The following PCDH12 variants were observed in gnomAD, a reference collection of about 807,000 sequenced individuals.
PCDH12 encodes protocadherin 12.
PCDH12 carries 45 observed loss-of-function variants against 70.9 expected under a neutral mutation model. The ratio of observed to expected loss-of-function variants is 0.63; its 90% CI spans 0.50 to 0.81. The LOEUF (loss-of-function observed/expected upper bound fraction) is 0.81. PCDH12 is among the 40% of genes least tolerant of loss of function. The pLI, the probability that PCDH12 is intolerant of heterozygous loss-of-function variation, is 0.00. For synonymous variants in PCDH12, 567 were observed against 626.0 expected, an observed-to-expected ratio of 0.91 and a Z score of 1.41; for missense variants, 1,370 against 1,491.7, an observed-to-expected ratio of 0.92 and a Z score of 1.34.
Position 141,956,808 on chromosome 5 carries a change from G to A in PCDH12, c.1044C>T (p.Asn348=), listed in dbSNP as rs140376506. Residue 348 remains asparagine (N), a synonymous_variant, in exon 1 of 4, where the codon AAC becomes AAT. Transcript: ENST00000231484. ...VLIKVLDVND[N]IPSIHVTWAS... is the part of the protein sequence containing the mutation. ...CCCATGTGACGTGGATGCTTGGGAT[G>A]TTGTCATTGACATCCAGAACCTTGA... is the stretch of plus-strand genomic sequence containing the variant. 2.5e-6 allele frequency: 4 copies of A among 1,614,128 alleles called. No individual in the cohort carries two copies. The highest frequency in any genetic ancestry group is 2.7e-5 in the African/African-American group (2 of 74,936).
At chr5:141,951,453 A>C (rs1753079567) in intron 2 of PCDH12, 40 bp downstream of exon 2, 1 of 1,476,782 alleles carries the variant, frequency 6.8e-7, no homozygotes, top group Non-Finnish European at 9.5e-7. Flanking sequence ...GGCGGCCAGT[A>C]GGGGCCTTGA....
rs1440512038 is a variant in PCDH12, at chr5:141,955,720, G to T, written c.2132C>A (p.Ala711Asp). 6.2e-7 allele frequency: 1 copy of T among 1,614,154 alleles called. No individual in the cohort carries two copies. The highest frequency in any genetic ancestry group is 1.3e-5 in the African/African-American group (1 of 75,042). ...CACCGTCAGCATCGACATGCTCAAG[G>T]CCCCAGGCTTGCGGGCTGAGTCCCT... Reference protein sequence around the residue: ...HLRDSARKPGALSMSMLTVIC... With the variant: ...HLRDSARKPGDLSMSMLTVIC... Residue 711 changes from alanine (A) to aspartate (D), a missense_variant, in exon 1 of 4, where the codon GCC becomes GAC. Transcript: ENST00000231484. This position sits in a 1 kb window ranked among gnomAD's most constrained non-coding sequence, Gnocchi z 5.5.
Position 141,956,723 on chromosome 5 carries a change from T to C in PCDH12, c.1129A>G (p.Met377Val), listed in dbSNP as rs143326793. 7 of 1,614,114 alleles carry C rather than the reference T, an allele frequency of 4.3e-6. No individual in the cohort carries two copies. Among genetic ancestry groups the C allele is most frequent in the Non-Finnish European group, 5.9e-6 (7 of 1,180,048 alleles). Residue 377 changes from methionine to valine, a missense_variant, in exon 1 of 4, where the codon ATG becomes GTG. Transcript: ENST00000231484. ...TGTCCTGAATCCAAGTCATCTGCCA[T>C]GACAAGAGCAATAAAACTGTCCTTG... Reference protein sequence around the residue: ...LPKDSFIALVMADDLDSGHNG... With the variant: ...LPKDSFIALVVADDLDSGHNG...
rs1752880011 is a variant in PCDH12 at position 141,945,337 on chromosome 5, C to A, written c.*44G>T. The A allele has an allele frequency of 1.3e-6, 2 of 1,554,162 alleles. No individual in the cohort carries two copies. Among genetic ancestry groups the A allele is most frequent in the Non-Finnish European group, 1.7e-6 (2 of 1,152,744 alleles). The stretch of plus-strand genomic sequence containing the variant: ...TAGAAACCAGCTCTTGTCCACAGAT[C>A]CTCAGGCCCCTGGTTCTTGGATCCA... On this transcript the variant is annotated 3_prime_UTR_variant, in exon 4 of 4. Coordinates refer to ENST00000231484, the MANE Select transcript of PCDH12 (RefSeq NM_016580.4).
At position 141,955,375 on chromosome 5, in the gene PCDH12, A is replaced by G. The variant is rs752194787; in HGVS notation, c.2477T>C (p.Leu826Pro). Residue 826 changes from leucine (L) to proline (P), a missense_variant, in exon 1 of 4, where the codon CTG becomes CCG. Transcript: ENST00000231484. This position sits in a 1 kb window ranked among gnomAD's most constrained non-coding sequence, Gnocchi z 5.5. ...TGCTCCCTGGTTGCCTTGATTACGC[A>G]GCGTCCTGTACAGGGTCGGGGTGAG... ...FHLTPTLYRT[L>P]RNQGNQGAPA... The G allele has an allele frequency of 1.2e-6, 2 of 1,613,966 alleles. No homozygotes were observed. Among genetic ancestry groups the G allele is most frequent in the East Asian group, 2.2e-5 (1 of 44,850 alleles).
rs139068319 is a variant in PCDH12, at chr5:141,945,085, C to T, written c.*296G>A. 8.0e-5 allele frequency: 32 copies of T among 399,288 alleles called. No individual in the cohort carries two copies. Among genetic ancestry groups the T allele is most frequent in the Non-Finnish European group, 1.4e-4 (31 of 222,762 alleles). 24.7% of individuals were successfully genotyped at this position (399,288 alleles called of 1,614,324 possible). A position where few individuals can be genotyped will look rare whatever the true frequency, so the allele number is the denominator to read the frequency against. On this transcript the variant is annotated 3_prime_UTR_variant, in exon 4 of 4. Transcript: ENST00000231484. The stretch of plus-strand genomic sequence containing the variant: ...CTTTCCTGCCTGTGATACTCCGTGG[C>T]ATCTGTTCTGCCAGAGGACTGACCC...
chr5:141,949,371 C>T (rs992505951), intron 3 of PCDH12, 61 bp downstream of exon 3: 6 of 1,545,932 alleles, frequency 3.9e-6, no homozygotes, highest in Non-Finnish European at 5.2e-6. Context: ...TGGAGCAGAA[C>T]TCTGAAGCTT....
intron 1 of PCDH12, among the ~76,000 whole-genome samples, chr5:141,951,985 T>C (rs1392339347): frequency 6.6e-6 from 1 of 152,266 alleles, no homozygotes. Flanking sequence ...TATTTGGACA[T>C]TCGGCCAATT....
Position 141,955,854 on chromosome 5 carries a change from G to A in PCDH12, c.1998C>T (p.Leu666=), listed in dbSNP as rs1408239190. The A allele has an allele frequency of 6.2e-7, 1 of 1,614,024 alleles. No individual in the cohort carries two copies. The highest frequency in any genetic ancestry group is 1.3e-5 in the African/African-American group (1 of 74,900). ...LFVNVTNASS[L]IGSEWELEIV... ...TCTCCAGCTCCCACTCACTCCCAAT[G>A]AGGCTGCTGGCATTGGTGACATTGA... The change falls in exon 1 of 4, where the codon CTC becomes CTT. Residue 666 remains leucine (L), a synonymous_variant. Transcript: ENST00000231484. The surrounding 1 kb of genome is among the most constrained non-coding windows in gnomAD (Gnocchi z 5.5).
rs72796042 is a variant in PCDH12 at position 141,957,971 on chromosome 5, C to T, written c.-120G>A. ...GTGCTCCTTCCCCCAGAGCTGCCGG[C>T]ACAACCTTGTCCCATAGTTAGATGA... On this transcript the variant is annotated 5_prime_UTR_variant, in exon 1 of 4. Coordinates refer to ENST00000231484, the MANE Select transcript of PCDH12 (RefSeq NM_016580.4). This position sits in a 1 kb window ranked among gnomAD's most constrained non-coding sequence, Gnocchi z 4.3. 6,956 of 1,159,046 alleles carry T rather than the reference C, an allele frequency of 6.0e-3. 24 individuals carry two copies. Among genetic ancestry groups the T allele is most frequent in the Non-Finnish European group, 7.2e-3 (5,991 of 829,874 alleles). 71.8% of individuals were successfully genotyped at this position (1,159,046 alleles called of 1,614,324 possible). A position where few individuals can be genotyped will look rare whatever the true frequency, so the allele number is the denominator to read the frequency against.
rs180692538 is a variant in PCDH12 at position 141,958,061 on chromosome 5, C to T, written c.-210G>A. 3.7e-5 allele frequency: 22 copies of T among 598,336 alleles called. No individual in the cohort carries two copies. Among genetic ancestry groups the T allele is most frequent in the Admixed American group, 2.6e-4 (8 of 30,292 alleles). The allele number at this position is 598,336 out of a possible 1,614,324, so 37.1% of individuals were successfully genotyped here. On this transcript the variant is annotated 5_prime_UTR_variant, in exon 1 of 4. Transcript: ENST00000231484. ...TTGGAAGCGATCTGAGATGTCCAAA[C>T]GCCGATCAAGAATTGCCAGGGGAGA...
chr5:141,957,038 C>T lies in PCDH12; in HGVS notation c.814G>A (p.Asp272Asn), dbSNP rs536306206. ...LLIKLTATDP[D>N]QGPNGEVEFF... ...TCCACCTCCCCATTGGGGCCTTGGTCAGGGTCTGTGGCGGTCAGTTTTATG... is the reference window on the plus strand; with the variant it reads ...TCCACCTCCCCATTGGGGCCTTGGTTAGGGTCTGTGGCGGTCAGTTTTATG... Residue 272 changes from aspartate to asparagine, a missense_variant, in exon 1 of 4, where the codon GAC (aspartate) becomes AAC (asparagine). By Grantham distance (23) the Asp-to-Asn change is conservative (BLOSUM62 1). Transcript: ENST00000231484. The surrounding 1 kb of genome is among the most constrained non-coding windows in gnomAD (Gnocchi z 4.3). 2 of 1,614,168 alleles carry T rather than the reference C, an allele frequency of 1.2e-6. No individual in the cohort carries two copies. Among genetic ancestry groups the T allele is most frequent in the African/African-American group, 2.7e-5 (2 of 75,028 alleles).
chr5:141,955,447 G>GCCTCCTTGT lies in PCDH12; in HGVS notation c.2396_2404dup (p.Asp799_Glu801dup). ...GGGGTCCCAGCCTGCTTCCATCATC[G>GCCTCCTTGT]CCTCCTTGTCCACATCTTTGTGGGA... On this transcript the variant is annotated inframe_insertion, in exon 1 of 4. Coordinates refer to ENST00000231484, the MANE Select transcript of PCDH12 (RefSeq NM_016580.4). This position sits in a 1 kb window ranked among gnomAD's most constrained non-coding sequence, Gnocchi z 5.5. The GCCTCCTTGT allele has an allele frequency of 6.2e-7, 1 of 1,613,960 alleles. No individual in the cohort carries two copies. Among genetic ancestry groups the GCCTCCTTGT allele is most frequent in the Non-Finnish European group, 8.5e-7 (1 of 1,179,952 alleles).
At chr5:141,948,350 CA>C (rs916693613) in intron 3 of PCDH12, among the ~76,000 whole-genome samples, 14 of 152,248 alleles carry the variant, frequency 9.2e-5, no homozygotes, top group South Asian at 2.1e-4. Context: ...AAGTCCCTGC[CA>C]TACCTTCAGT....
At chr5:141,954,936 A>C in intron 1 of PCDH12, 36 bp downstream of exon 1, 1 of 1,583,160 alleles carries the variant, frequency 6.3e-7, no homozygotes, top group Non-Finnish European at 8.6e-7. Context: ...GTGGTCCAGG[A>C]GTGACCAGAG....
At chr5:141,949,071 A>G (rs1753015920) in intron 3 of PCDH12, among the ~76,000 whole-genome samples, 1 of 150,728 alleles carries the variant, frequency 6.6e-6, no homozygotes, top group Non-Finnish European at 1.5e-5. Flanking sequence ...AAAATCAAAA[A>G]TTAGCGGGAT....
At chr5:141,952,073 A>G (rs764526956) in intron 1 of PCDH12, among the ~76,000 whole-genome samples, 22 of 152,316 alleles carry the variant, frequency 1.4e-4, no homozygotes, top group Non-Finnish European at 2.9e-4. Context: ...TCATCTTTTC[A>G]TTCATTCAAC....
intron 2 of PCDH12, among the ~76,000 whole-genome samples, chr5:141,950,091 A>C (rs988034908): frequency 6.6e-6 from 1 of 152,174 alleles, no homozygotes; most frequent in Non-Finnish European, 1.5e-5. Context: ...GTGCTGAATG[A>C]GTGACTGAAC....
Position 141,955,775 on chromosome 5 carries a change from C to T in PCDH12, c.2077G>A (p.Val693Ile). The change falls in exon 1 of 4, where the codon GTC becomes ATC. Residue 693 changes from valine (V) to isoleucine (I), a missense_variant. Physicochemically the swap from Val to Ile is conservative, Grantham distance 29 (BLOSUM62 3). Coordinates refer to ENST00000231484, the MANE Select transcript of PCDH12 (RefSeq NM_016580.4). This position sits in a 1 kb window ranked among gnomAD's most constrained non-coding sequence, Gnocchi z 5.5. The stretch of plus-strand genomic sequence containing the variant: ...TGGTCCACACTGGTGACAAACATGA[C>T]CCTCAACAGGGCTCGGGTCTGTAAG... ...PPLQTRALLR[V>I]MFVTSVDHLR... 3 of 1,613,930 alleles carry T rather than the reference C, an allele frequency of 1.9e-6. No individual in the cohort carries two copies. The highest frequency in any genetic ancestry group is 2.5e-6 in the Non-Finnish European group (3 of 1,179,942).
Sources: gnomAD v4.1 joint callset for allele counts (sites outside exome capture counted in the v4.1 genomes callset) on GRCh38, gnomAD v4.1.1 for gene constraint, Gnocchi (gnomAD v3.1) non-coding constraint, MANE v1.5 for transcripts, NCBI Gene and HGNC (gene_info 2026-07-23, HGNC 2026-07-21) for gene names.